The following TTC28 variants were observed in gnomAD, a reference collection of about 807,000 sequenced individuals.
The protein encoded by TTC28 is tetratricopeptide repeat protein 28.
A neutral mutation model predicts 198.0 loss-of-function variants in TTC28; 61 were observed. The ratio of observed to expected loss-of-function variants is 0.31; its 90% CI spans 0.25 to 0.38. TTC28 has a LOEUF of 0.38. Ranked by LOEUF, TTC28 falls within the 10% of genes least tolerant of loss-of-function variation. The pLI is 1.00. For synonymous variants in TTC28, 1,171 were observed against 1,297.8 expected, an observed-to-expected ratio of 0.90 and a Z score of 2.10; for missense variants, 2,678 against 3,164.0, an observed-to-expected ratio of 0.85 and a Z score of 3.69.
At chr22:28,141,411 C>T (rs2146989042) in intron 6 of TTC28, among the ~76,000 whole-genome samples, 1 of 152,214 alleles carries the variant, frequency 6.6e-6, no homozygotes, top group South Asian at 2.1e-4. Context: ...GTGTCTGAGA[C>T]ATAATTGGTA....
chr22:28,442,403 G>C (rs1458847178), intron 2 of TTC28, among the ~76,000 whole-genome samples: 12 of 152,232 alleles, frequency 7.9e-5, no homozygotes, highest in Admixed American at 7.8e-4. Context: ...TGGTGTGCTG[G>C]GGCTGCTCGC....
chr22:28,102,336 C>T (rs945414183), intron 8 of TTC28, among the ~76,000 whole-genome samples: 2 of 152,180 alleles, frequency 1.3e-5, no homozygotes, highest in African/African-American at 4.8e-5. Context: ...AAAACAAGTG[C>T]TATTATGAGG....
intron 5 of TTC28, among the ~76,000 whole-genome samples, chr22:28,260,976 A>G (rs1041615159): frequency 3.3e-5 from 5 of 152,182 alleles, no homozygotes; most frequent in Admixed American, 6.5e-5. Flanking sequence ...CAAGATCATA[A>G]TAAGACTCCA....
At chr22:28,453,124 T>A (rs1376592152) in intron 2 of TTC28, among the ~76,000 whole-genome samples, 1 of 152,196 alleles carries the variant, frequency 6.6e-6, no homozygotes, top group Non-Finnish European at 1.5e-5. Flanking sequence ...CTGCCCATTA[T>A]CTAAACCTGA....
intron 2 of TTC28, among the ~76,000 whole-genome samples, chr22:28,552,008 CTG>C (rs757545429): frequency 3.9e-5 from 6 of 152,228 alleles, no homozygotes; most frequent in Non-Finnish European, 8.8e-5. Context: ...GCTCCTAAAA[CTG>C]GTAAATGAAT....
In TTC28 at chr22:28,679,482, G is replaced by A. The variant is rs950113487; in HGVS notation, c.102+140C>T. On this transcript the variant is annotated intron_variant, in intron 1 of 22. Transcript: ENST00000397906. ...GGCGGACCAGGTCCCGCCGCCTCAC[G>A]GCTCGCGGCTGGGATCGAACCCGGA... The A allele has an allele frequency of 4.4e-5, 24 of 541,866 alleles. 1 individual carries two copies. The highest frequency in any genetic ancestry group is 3.1e-4 in the African/African-American group (15 of 49,110). The allele number at this position is 541,866 out of a possible 1,614,324, so 33.6% of individuals were successfully genotyped here.
chr22:28,561,771 T>C (rs1229768134), intron 2 of TTC28, among the ~76,000 whole-genome samples: 1 of 152,212 alleles, frequency 6.6e-6, no homozygotes, highest in Non-Finnish European at 1.5e-5. Context: ...TAACCCTTAC[T>C]TATGCTTTCA....
intron 5 of TTC28, among the ~76,000 whole-genome samples, chr22:28,249,086 A>C (rs1395328297): frequency 6.6e-6 from 1 of 152,146 alleles, no homozygotes; most frequent in Non-Finnish European, 1.5e-5. Flanking sequence ...GAAGAGAACC[A>C]CAATAAGAAG....
intron 2 of TTC28, among the ~76,000 whole-genome samples, chr22:28,316,443 T>G (rs985098416): frequency 6.6e-6 from 1 of 152,162 alleles, no homozygotes; most frequent in African/African-American, 2.4e-5. Flanking sequence ...CTTTTCCATA[T>G]AAATCTTTTT....
At chr22:28,491,687 T>C (rs1452511253) in intron 2 of TTC28, among the ~76,000 whole-genome samples, 1 of 152,216 alleles carries the variant, frequency 6.6e-6, no homozygotes, top group Non-Finnish European at 1.5e-5. Flanking sequence ...TCAACCATTG[T>C]GGAAGTCGGT....
chr22:28,339,169 G>C (rs1212964886), intron 2 of TTC28, among the ~76,000 whole-genome samples: 1 of 152,210 alleles, frequency 6.6e-6, no homozygotes, highest in Non-Finnish European at 1.5e-5. Flanking sequence ...GGTATCAGCA[G>C]TGGAGGTTGC....
intron 1 of TTC28, among the ~76,000 whole-genome samples, chr22:28,671,567 A>G (rs2051885486): frequency 6.7e-6 from 1 of 149,938 alleles, no homozygotes; most frequent in South Asian, 2.2e-4. Flanking sequence ...CCCGGTAGGC[A>G]GAGCTTGCAA....
chr22:28,651,729 C>A (rs1473099214), intron 1 of TTC28, among the ~76,000 whole-genome samples: 4 of 150,150 alleles, frequency 2.7e-5, no homozygotes, highest in Non-Finnish European at 4.4e-5. Context: ...CCCTCCTGAC[C>A]TCTCTTAAAC....
chr22:28,018,030 C>A (rs902366746), intron 13 of TTC28, among the ~76,000 whole-genome samples: 2 of 152,192 alleles, frequency 1.3e-5, no homozygotes, highest in African/African-American at 4.8e-5. Flanking sequence ...CTCTGCCCCC[C>A]TAGATGCCAC....
intron 2 of TTC28, among the ~76,000 whole-genome samples, chr22:28,528,547 TA>T (rs983880830): frequency 6.7e-6 from 1 of 148,476 alleles, no homozygotes; most frequent in African/African-American, 2.5e-5. Context: ...CTGGACATGA[TA>T]AAACCCCATC....
intron 5 of TTC28, among the ~76,000 whole-genome samples, chr22:28,254,913 GA>G (rs1342119428): frequency 1.4e-4 from 21 of 152,148 alleles, no homozygotes; most frequent in Non-Finnish European, 2.6e-4. Context: ...GAAAACACAA[GA>G]AACCTTGTCA....
intron 5 of TTC28, among the ~76,000 whole-genome samples, chr22:28,185,046 G>A (rs1251538137): frequency 6.6e-6 from 1 of 152,162 alleles, no homozygotes. Flanking sequence ...TTAGGTCTGC[G>A]TAAGGATATA....
intron 12 of TTC28, among the ~76,000 whole-genome samples, chr22:28,034,319 T>A (rs2146646854): frequency 6.6e-6 from 1 of 152,238 alleles, no homozygotes; most frequent in African/African-American, 2.4e-5. Context: ...ACTGGCAAGC[T>A]AGGGAGGCAC....
intron 2 of TTC28, among the ~76,000 whole-genome samples, chr22:28,551,728 T>C (rs902815177): frequency 6.6e-6 from 1 of 152,154 alleles, no homozygotes; most frequent in African/African-American, 2.4e-5. Flanking sequence ...GGACATACTT[T>C]AATGTAATAA....
Sources: gnomAD v4.1 joint callset for allele counts (sites outside exome capture counted in the v4.1 genomes callset) on GRCh38, gnomAD v4.1.1 for gene constraint, MANE v1.5 for transcripts, NCBI Gene and HGNC (gene_info 2026-07-23, HGNC 2026-07-21) for gene names.